The following GLB1L3 variants were observed in gnomAD, a reference collection of about 807,000 sequenced individuals.
The protein encoded by GLB1L3 is beta-galactosidase-1-like protein 3.
In GLB1L3, 89 loss-of-function variants were observed where a neutral mutation model predicts 89.5. The ratio of observed to expected loss-of-function variants is 0.99; its 90% CI spans 0.84 to 1.19. The LOEUF is 1.19. Ranked by LOEUF, GLB1L3 falls within the 50% of genes most tolerant of loss-of-function variation. The probability of loss-of-function intolerance (pLI) is 0.00; values close to 1 mark genes in which losing one functional copy is unlikely to be tolerated. For missense variants in GLB1L3, 812 were observed against 813.3 expected (o/e 1.00, Z 0.02); for synonymous variants, 314 against 312.3 (o/e 1.01, Z -0.06).
At position 134,277,016 on chromosome 11, in the gene GLB1L3, C is replaced by T. The variant is rs1940403922; in HGVS notation, c.23+253C>T. ...GCCAGGGGCTCCAGCGGCTGGGCACCGTGTCCTTCCCGAACCTGGTGCTGG... is the reference window on the plus strand; with the variant it reads ...GCCAGGGGCTCCAGCGGCTGGGCACTGTGTCCTTCCCGAACCTGGTGCTGG... On this transcript the variant is annotated intron_variant, in intron 1 of 19. Transcript: ENST00000431683. The T allele has an allele frequency of 1.4e-5, 8 of 565,412 alleles. No homozygotes were observed. In the East Asian group the frequency reaches 1.5e-4, roughly 11 times the overall value. 35.0% of individuals were successfully genotyped at this position (565,412 alleles called of 1,614,324 possible).
intron 3 of GLB1L3, among the ~76,000 whole-genome samples, chr11:134,280,624 C>T (rs1940630763): frequency 6.6e-6 from 1 of 151,898 alleles, no homozygotes; most frequent in Non-Finnish European, 1.5e-5. Flanking sequence ...CCTTTACTTA[C>T]GGCAAGCTAT....
At chr11:134,289,542 C>T (rs187212220) in intron 7 of GLB1L3, among the ~76,000 whole-genome samples, 187 of 152,240 alleles carry the variant, frequency 1.2e-3, no homozygotes, top group Non-Finnish European at 2.9e-4. Context: ...TCACTATGTA[C>T]CTAAATAACT....
chr11:134,293,096 G>A (rs1184590459), intron 8 of GLB1L3, 49 bp from the exon 9 acceptor site: 1 of 1,527,244 alleles, frequency 6.5e-7, no homozygotes. Flanking sequence ...TCCCTTCCCT[G>A]ACAGCACTTG....
At chr11:134,308,550 TCACCATCAC>T (rs1409916655) in intron 10 of GLB1L3, among the ~76,000 whole-genome samples, 20 of 16,870 alleles carry the variant, frequency 1.2e-3, no homozygotes, top group East Asian at 8.7e-3. Flanking sequence ...ACCATCACCA[TCACCATCAC>T]CACCACCACC....
intron 13 of GLB1L3, 31 bp from the exon 14 acceptor site, chr11:134,312,318 G>A: frequency 6.2e-7 from 1 of 1,609,600 alleles, no homozygotes. Flanking sequence ...CTCAGCCCTT[G>A]GACTTCTGCT....
chr11:134,293,118 A>T (rs1361775043), intron 8 of GLB1L3, 27 bp from the exon 9 acceptor site: 1 of 1,605,938 alleles, frequency 6.2e-7, no homozygotes, highest in Admixed American at 1.7e-5. Flanking sequence ...CTCATGCCTC[A>T]GCTGGGTCTC....
At position 134,276,704 on chromosome 11, in the gene GLB1L3, A is replaced by G. The variant is rs1230422415; in HGVS notation, c.-37A>G. 6 of 1,427,946 alleles carry G rather than the reference A, an allele frequency of 4.2e-6. No homozygotes were observed. Among genetic ancestry groups the G allele is most frequent in the Non-Finnish European group, 5.5e-6 (6 of 1,090,972 alleles). 88.5% of individuals were successfully genotyped at this position (1,427,946 alleles called of 1,614,324 possible). A position where few individuals can be genotyped will look rare whatever the true frequency, so the allele number is the denominator to read the frequency against. On this transcript the variant is annotated 5_prime_UTR_variant, in exon 1 of 20. Coordinates refer to ENST00000431683, the MANE Select transcript of GLB1L3 (RefSeq NM_001080407.3). ...GTCGGGGCCAGCGGAGAGGGGCGGA[A>G]GCCGCAAGGGACCCTCGGCGCCTCG...
rs761683656 is a variant in GLB1L3, at chr11:134,312,415, T to G, written c.1354T>G (p.Tyr452Asp). 6.8e-6 allele frequency: 11 copies of G among 1,613,806 alleles called. No individual in the cohort carries two copies. The highest frequency in any genetic ancestry group is 9.3e-6 in the Non-Finnish European group (11 of 1,179,882). ...LPINNGSGQS[Y>D]GLVLYEKSIC... ...CATAAACAATGGGAGCGGCCAGTCCTACGGGCTTGTCCTGTATGAGAAGTC... is the reference window on the plus strand; with the variant it reads ...CATAAACAATGGGAGCGGCCAGTCCGACGGGCTTGTCCTGTATGAGAAGTC... Residue 452 changes from tyrosine to aspartate, a missense_variant, in exon 14 of 20, where the codon TAC (tyrosine) becomes GAC (aspartate). Transcript: ENST00000431683.
chr11:134,296,506 G>A (rs1178651015), intron 9 of GLB1L3, among the ~76,000 whole-genome samples: 3 of 137,518 alleles, frequency 2.2e-5, no homozygotes, highest in African/African-American at 5.4e-5. Flanking sequence ...GGAATACTAT[G>A]CAGCCATAAA....
At position 134,282,257 on chromosome 11, in the gene GLB1L3, C is replaced by A. The variant is rs186121866; in HGVS notation, c.527+137C>A. ...GAGGTGTGCTGCCCCACGCCACGCA[C>A]CGTGCCTGTGTTGTCTTGTGGGAAG... is the stretch of plus-strand genomic sequence containing the variant. On this transcript the variant is annotated intron_variant, in intron 5 of 19. Coordinates refer to ENST00000431683, the MANE Select transcript of GLB1L3 (RefSeq NM_001080407.3). 414 of 1,101,802 alleles carry A rather than the reference C, an allele frequency of 3.8e-4. 3 individuals carry two copies. The African/African-American group carries it at 5.2e-3, about 14-fold the overall frequency. 68.3% of individuals were successfully genotyped at this position (1,101,802 alleles called of 1,614,324 possible).
chr11:134,312,995 C>G (rs1942817807), intron 15 of GLB1L3, 108 bp downstream of exon 15: 1 of 829,456 alleles, frequency 1.2e-6, no homozygotes. Flanking sequence ...GCTGGTGCTG[C>G]TGCTCACCTG....
intron 8 of GLB1L3, 113 bp downstream of exon 8, chr11:134,292,326 C>A: frequency 1.4e-6 from 1 of 705,390 alleles, no homozygotes; most frequent in South Asian, 1.8e-5. Flanking sequence ...TTTCCCGTGT[C>A]CACTGGGATG....
intron 14 of GLB1L3, 149 bp downstream of exon 14, chr11:134,312,638 T>TCAGGCCAAAAAGTCAGGCCAAAG (rs1393853864): frequency 1.8e-6 from 2 of 1,106,912 alleles, no homozygotes; most frequent in Non-Finnish European, 2.6e-6. Context: ...CAAATAGACT[T>TCAGGCCAAAAAGTCAGGCCAAAG]GCTTTCTGCT....
intron 10 of GLB1L3, among the ~76,000 whole-genome samples, chr11:134,307,807 G>A (rs1451934250): frequency 6.6e-6 from 1 of 152,138 alleles, no homozygotes; most frequent in African/African-American, 2.4e-5. Context: ...CAAACGTGAG[G>A]ATTATCATAA....
chr11:134,279,364 C>CTTTTTTTTTT (rs10577769), intron 3 of GLB1L3, among the ~76,000 whole-genome samples: 3 of 108,338 alleles, frequency 2.8e-5, no homozygotes, highest in Non-Finnish European at 3.7e-5. Flanking sequence ...TTTTCTTTTT[C>CTTTTTTTTTT]TTTTTTTTTT....
At chr11:134,311,323 G>C in intron 13 of GLB1L3, 153 bp downstream of exon 13, 3 of 675,090 alleles carry the variant, frequency 4.4e-6, no homozygotes, top group East Asian at 2.6e-5. Flanking sequence ...AGCTCCTTCC[G>C]GGTGGACTGT....
intron 19 of GLB1L3, 46 bp from the exon 20 acceptor site, chr11:134,318,830 TA>T (rs758562849): frequency 6.4e-7 from 1 of 1,569,558 alleles, no homozygotes; most frequent in South Asian, 1.1e-5. Context: ...CAACCTGTAC[TA>T]AATAGGCTTC....
In GLB1L3 at chr11:134,313,825, C is replaced by G; in HGVS notation, c.1580-116C>G. On this transcript the variant is annotated intron_variant, in intron 16 of 19. Coordinates refer to ENST00000431683, the MANE Select transcript of GLB1L3 (RefSeq NM_001080407.3). The stretch of plus-strand genomic sequence containing the variant: ...AGCAGGTCAGACAAATGTTTGCCCT[C>G]CTGGCTGTGCCCCTGTCCTAAGGCA... The G allele has an allele frequency of 8.4e-6, 6 of 712,096 alleles. No individual in the cohort carries two copies. The South Asian group carries it at 9.7e-5, about 12-fold the overall frequency. The allele number at this position is 712,096 out of a possible 1,614,324, so 44.1% of individuals were successfully genotyped here.
At chr11:134,321,077 A>G (rs374229619), downstream of GLB1L3, among the ~76,000 whole-genome samples, 83 of 152,344 alleles carry the variant, frequency 5.4e-4, no homozygotes, top group African/African-American at 1.9e-3. Context: ...GGATGCTGAC[A>G]TATGTGAGAG....
Sources: allele counts gnomAD v4.1 joint callset (sites outside exome capture counted in the v4.1 genomes callset), GRCh38; gene constraint gnomAD v4.1.1; transcripts MANE v1.5; gene names NCBI Gene and HGNC (gene_info 2026-07-23, HGNC 2026-07-21).